Variants in FLRT1 observed in about 807,000 individuals in gnomAD.
FLRT1 encodes the protein leucine-rich repeat transmembrane protein FLRT1.
In FLRT1, 14 loss-of-function variants were observed where a neutral mutation model predicts 30.9. The observed-to-expected ratio is 0.45, with a 90% CI of 0.30 to 0.71. FLRT1 has a LOEUF of 0.71. Among genes scored for constraint, FLRT1 ranks in the 30% least tolerant of loss-of-function variants. The pLI is 0.08. For missense variants in FLRT1, 737 were observed against 949.2 expected (o/e 0.78, Z 2.94); for synonymous variants, 368 against 430.4 (o/e 0.85, Z 1.80).
intron 1 of FLRT1, among the ~76,000 whole-genome samples, chr11:64,061,762 C>G (rs1183284634): frequency 6.6e-6 from 1 of 151,034 alleles, no homozygotes; most frequent in Non-Finnish European, 1.5e-5. Context: ...TGCAATGGCA[C>G]GATCACAGCT....
intron 1 of FLRT1, among the ~76,000 whole-genome samples, chr11:64,043,444 C>T (rs960940462): frequency 1.4e-4 from 21 of 152,162 alleles, no homozygotes; most frequent in African/African-American, 4.1e-4. Flanking sequence ...GGACTCTAAA[C>T]GCCTGGTTGT....
intron 1 of FLRT1, among the ~76,000 whole-genome samples, chr11:64,040,395 G>A (rs975585465): frequency 1.1e-4 from 16 of 152,150 alleles, no homozygotes; most frequent in African/African-American, 3.6e-4. Context: ...GGAGACCCCC[G>A]GCAGGAGGGC....
intron 1 of FLRT1, among the ~76,000 whole-genome samples, chr11:64,040,608 C>T (rs558305507): frequency 6.6e-6 from 1 of 152,340 alleles, no homozygotes; most frequent in Non-Finnish European, 1.5e-5. Context: ...TGTGTGTTCA[C>T]CTGCGTAGAC....
chr11:64,077,621 A>G (rs1944226579), intron 1 of FLRT1, among the ~76,000 whole-genome samples: 2 of 152,000 alleles, frequency 1.3e-5, no homozygotes, highest in South Asian at 4.2e-4. Flanking sequence ...GGCACACACG[A>G]ACAGAACTCA....
intron 1 of FLRT1, among the ~76,000 whole-genome samples, chr11:64,042,637 G>A (rs568265223): frequency 2.0e-3 from 300 of 152,244 alleles, no homozygotes; most frequent in South Asian, 0.011. Context: ...GCCTCACTGG[G>A]GCTGCATGCC....
At chr11:64,075,106 G>C (rs996458736) in intron 1 of FLRT1, among the ~76,000 whole-genome samples, 3 of 152,216 alleles carry the variant, frequency 2.0e-5, no homozygotes, top group African/African-American at 7.2e-5. Flanking sequence ...GAAGCACCTT[G>C]GTCTCTCTGG....
chr11:64,106,376 T>G (rs1192145380), intron 2 of FLRT1, among the ~76,000 whole-genome samples: 5 of 152,200 alleles, frequency 3.3e-5, no homozygotes. Context: ...GGGCCTCCCT[T>G]TTGGTGGCCC....
chr11:64,116,147 G>A, intron 2 of FLRT1, 72 bp from the exon 3 acceptor site: 5 of 1,431,340 alleles, frequency 3.5e-6, no homozygotes, highest in Non-Finnish European at 4.6e-6. Context: ...AGGTGGGAGG[G>A]AATGCACGAT....
At chr11:64,057,513 C>T (rs1331734770) in intron 1 of FLRT1, among the ~76,000 whole-genome samples, 1 of 152,226 alleles carries the variant, frequency 6.6e-6, no homozygotes, top group African/African-American at 2.4e-5. Context: ...GAGGCAAGCC[C>T]AGCTCTCCAG....
Position 64,117,301 on chromosome 11 carries a change from C to T in FLRT1, c.1034C>T (p.Ala345Val). The change falls in exon 3 of 3, where the codon GCA becomes GTA. Residue 345 changes from alanine (A) to valine (V), a missense_variant. By Grantham distance (64) the Ala-to-Val change is moderately conservative (BLOSUM62 0). Transcript: ENST00000682287. The stretch of plus-strand genomic sequence containing the variant: ...ATGTGGCTGCGGGACTGGGTGAAGG[C>T]ACGGGCGGCCGTGGTCAACGTGCGG... ...NLMWLRDWVK[A>V]RAAVVNVRGL... 1 of 1,614,158 alleles carries T rather than the reference C, an allele frequency of 6.2e-7. No homozygotes were observed.
chr11:64,089,561 C>G (rs536923435), intron 1 of FLRT1, among the ~76,000 whole-genome samples: 1 of 152,210 alleles, frequency 6.6e-6, no homozygotes, highest in Non-Finnish European at 1.5e-5. Flanking sequence ...GCTGCCGGGT[C>G]GGCAGCCACG....
rs554325817 is a variant in FLRT1, at chr11:64,089,556, C to T, written c.-1037-13638C>T. ...TCCATGCACTTTCCTTCCCAGCTGC[C>T]GGGTCGGCAGCCACGGACCAGAGAA... On this transcript the variant is annotated intron_variant, in intron 1 of 2. Transcript: ENST00000682287. 1.1e-4 allele frequency among the ~76,000 whole-genome samples: 17 copies of T among 152,320 alleles called. No homozygotes were observed. In the East Asian group the frequency reaches 2.9e-3, roughly 26 times the overall value.
chr11:64,071,157 A>G (rs1363945034), intron 1 of FLRT1, among the ~76,000 whole-genome samples: 1 of 151,932 alleles, frequency 6.6e-6, no homozygotes, highest in East Asian at 1.9e-4. Context: ...GAGCCCCCTC[A>G]AAATAACCTC....
At chr11:64,076,787 A>G (rs1944209851) in intron 1 of FLRT1, among the ~76,000 whole-genome samples, 1 of 152,204 alleles carries the variant, frequency 6.6e-6, no homozygotes, top group Non-Finnish European at 1.5e-5. Flanking sequence ...GGTGGGACCC[A>G]GGCTCTGGGC....
At chr11:64,104,904 G>T (rs746600245) in intron 2 of FLRT1, among the ~76,000 whole-genome samples, 1 of 152,178 alleles carries the variant, frequency 6.6e-6, no homozygotes, top group African/African-American at 2.4e-5. Flanking sequence ...AGGCTGCACC[G>T]CCAAAAACAC....
At chr11:64,050,802 T>A (rs1394056677) in intron 1 of FLRT1, among the ~76,000 whole-genome samples, 1 of 152,174 alleles carries the variant, frequency 6.6e-6, no homozygotes, top group East Asian at 1.9e-4. Context: ...TATTTCTAGT[T>A]GAGATGGGGT....
intron 1 of FLRT1, among the ~76,000 whole-genome samples, chr11:64,055,861 T>G (rs887289645): frequency 6.6e-6 from 1 of 152,184 alleles, no homozygotes; most frequent in African/African-American, 2.4e-5. Flanking sequence ...CGGTGACTCT[T>G]GGGTCTGCTA....
chr11:64,087,001 C>T (rs1944407486), intron 1 of FLRT1: 1 of 152,236 alleles, frequency 6.6e-6, no homozygotes, highest in Non-Finnish European at 1.5e-5. Context: ...CCTCCACCTA[C>T]ACAGCAGCCA....
In FLRT1 at chr11:64,117,803, C is replaced by G. The variant is rs778853979; in HGVS notation, c.1536C>G (p.Thr512=). Residue 512 remains threonine, a synonymous_variant, in exon 3 of 3, where the codon ACC becomes ACG. Transcript: ENST00000682287. The part of the protein sequence containing the change: ...TYIICMVTME[T]SNAYVADETP... ...TCATCTGCATGGTCACCATGGAGAC[C>G]AGCAATGCCTACGTAGCTGATGAGA... The G allele has an allele frequency of 1.2e-6, 2 of 1,614,180 alleles. No individual in the cohort carries two copies. Among genetic ancestry groups the G allele is most frequent in the Non-Finnish European group, 1.7e-6 (2 of 1,180,038 alleles).
Sources: gnomAD v4.1 joint callset for allele counts (sites outside exome capture counted in the v4.1 genomes callset) on GRCh38, gnomAD v4.1.1 for gene constraint, MANE v1.5 for transcripts, NCBI Gene and HGNC (gene_info 2026-07-23, HGNC 2026-07-21) for gene names.